The following STXBP2 variants were observed in gnomAD, a reference collection of about 807,000 sequenced individuals.
STXBP2 encodes the protein syntaxin-binding protein 2.
In STXBP2, 47 loss-of-function variants were observed where a neutral mutation model predicts 72.2. The ratio of observed to expected loss-of-function variants is 0.65; its 90% CI spans 0.51 to 0.83. The LOEUF (loss-of-function observed/expected upper bound fraction) is 0.83, where lower values mean the gene tolerates loss of function less well. Ranked by LOEUF, STXBP2 falls within the 40% of genes least tolerant of loss-of-function variation. STXBP2 has a pLI of 0.00. For missense variants in STXBP2, 702 were observed against 807.6 expected (o/e 0.87, Z 1.58); for synonymous variants, 367 against 338.7 (o/e 1.08, Z -0.92).
upstream of STXBP2, among the ~76,000 whole-genome samples, chr19:7,634,926 C>A (rs577082555): frequency 1.9e-4 from 29 of 152,308 alleles, no homozygotes; most frequent in African/African-American, 6.7e-4. Flanking sequence ...CCCCACCCCC[C>A]CAACCACCTA....
rs975486278 is a variant in STXBP2, at chr19:7,640,302, GTA to G, written c.247-427_247-426del. On this transcript the variant is annotated intron_variant, in intron 4 of 18. Transcript: ENST00000221283. ...TGTGCATCTGTGTGCATGTGTCTAT[GTA>G]TGTGTGTGCATCTGTGTGTGCGTGT... The G allele has an allele frequency of 8.0e-5, 45 of 559,640 alleles. 1 individual carries two copies. Among genetic ancestry groups the G allele is most frequent in the Admixed American group, 6.1e-4 (27 of 44,352 alleles). 34.7% of individuals were successfully genotyped at this position (559,640 alleles called of 1,614,324 possible).
In STXBP2 at chr19:7,642,232, G is replaced by A. The variant is rs2146217766; in HGVS notation, c.693G>A (p.Leu231=). 6.2e-7 allele frequency: 1 copy of A among 1,614,162 alleles called. No homozygotes were observed. Among genetic ancestry groups the A allele is most frequent in the Non-Finnish European group, 8.5e-7 (1 of 1,180,018 alleles). ...CAGAGAAAACCCGCTCCCAGCTGCT[G>A]ATAATGGACCGGGCAGCTGACCCCG... ...EGPEKTRSQL[L]IMDRAADPVS... is the part of the protein sequence containing the mutation. The change falls in exon 9 of 19, where the codon CTG becomes CTA. Residue 231 remains leucine (L), a synonymous_variant. Transcript: ENST00000221283. This position sits in a 1 kb window ranked among gnomAD's most constrained non-coding sequence, Gnocchi z 6.0.
chr19:7,643,611 G>C (rs1175461402), intron 13 of STXBP2, among the ~76,000 whole-genome samples: 3 of 151,834 alleles, frequency 2.0e-5, no homozygotes, highest in African/African-American at 7.3e-5. Context: ...GAGCCTTGGA[G>C]AGGTGGGACC....
intron 13 of STXBP2, 50 bp downstream of exon 13, chr19:7,643,295 G>T: frequency 2.2e-6 from 3 of 1,389,268 alleles, no homozygotes; most frequent in Non-Finnish European, 3.0e-6. Flanking sequence ...CCAAGGCGGG[G>T]TATTGGGGAG....
At chr19:7,633,091 C>T (rs370736897), upstream of STXBP2, 2,779 of 1,172,516 alleles carry the variant, frequency 2.4e-3, 66 homozygotes, top group South Asian at 0.038. Context: ...GGCTCCGATG[C>T]GTGTCCCGCC....
upstream of STXBP2, chr19:7,632,852 C>T: frequency 6.5e-7 from 1 of 1,541,830 alleles, no homozygotes; most frequent in Non-Finnish European, 8.7e-7. The surrounding 1 kb of genome is among the most constrained non-coding windows in gnomAD (Gnocchi z 5.2). Context: ...CTCGCTCAGT[C>T]TGGTTGGCCC....
intron 4 of STXBP2, chr19:7,640,098 TTG>T (rs766714860): frequency 2.0e-4 from 112 of 570,124 alleles, no homozygotes; most frequent in South Asian, 5.6e-4. Context: ...GTGTGTGCAT[TTG>T]TGTCTGTGCA....
intron 13 of STXBP2, among the ~76,000 whole-genome samples, chr19:7,643,939 G>T (rs1416016377): frequency 6.7e-6 from 1 of 148,624 alleles, no homozygotes; most frequent in Non-Finnish European, 1.5e-5. Context: ...TGGGAGACAG[G>T]TAGAGCCATG....
rs1568472352 is a variant in STXBP2 at position 7,647,659 on chromosome 19, CGG to C, written c.1697-64_1697-63del. 8.1e-6 allele frequency: 13 copies of C among 1,603,278 alleles called. No individual in the cohort carries two copies. In the African/African-American group the frequency reaches 1.6e-4, roughly 20 times the overall value. ...GGGACAGCCCCACACCAGCCGGGAC[CGG>C]GAGCCTGTCAAAGACGAAGGCAGCG... On this transcript the variant is annotated intron_variant, in intron 18 of 18. Transcript: ENST00000221283.
Position 7,641,865 on chromosome 19 carries a change from A to AACCC in STXBP2, c.578+12_578+13insACCC. 1 of 581,324 alleles carries AACCC rather than the reference A, an allele frequency of 1.7e-6. No homozygotes were observed. Among genetic ancestry groups the AACCC allele is most frequent in the Non-Finnish European group, 2.6e-6 (1 of 388,690 alleles). The allele number at this position is 581,324 out of a possible 1,614,324, so 36.0% of individuals were successfully genotyped here. A position where few individuals can be genotyped will look rare whatever the true frequency, so the allele number is the denominator to read the frequency against. On this transcript the variant is annotated intron_variant, in intron 7 of 18. Transcript: ENST00000221283. ...ATCCGCTACCGCAAGTGGGGACCCCACCCAGCCCCACCCCGATGCCGACCC... is the reference window on the plus strand; with the variant it reads ...ATCCGCTACCGCAAGTGGGGACCCCAACCCCCCAGCCCCACCCCGATGCCGACCC...
chr19:7,647,853 A>C lies in STXBP2; in HGVS notation c.*43A>C. 1 of 1,546,762 alleles carries C rather than the reference A, an allele frequency of 6.5e-7. No individual in the cohort carries two copies. Reference sequence around the variant, plus strand: ...TACCCCTCCCTTTCCAGAGAAATAAACTCTTCCCGTCGCTCTGCCAGCCAG... The same window carrying C: ...TACCCCTCCCTTTCCAGAGAAATAACCTCTTCCCGTCGCTCTGCCAGCCAG... On this transcript the variant is annotated 3_prime_UTR_variant, in exon 19 of 19. Transcript: ENST00000221283.
At chr19:7,635,949 C>G (rs1021419672), upstream of STXBP2, among the ~76,000 whole-genome samples, 4 of 152,144 alleles carry the variant, frequency 2.6e-5, no homozygotes, top group African/African-American at 9.7e-5. Flanking sequence ...CGGGGCTCCT[C>G]CCTTCTCTAC....
intron 4 of STXBP2, 177 bp from the exon 5 acceptor site, chr19:7,640,552 ATC>A: frequency 1.4e-6 from 1 of 735,990 alleles, no homozygotes; most frequent in Non-Finnish European, 2.4e-6. Context: ...GCGTGCGTGC[ATC>A]TGTGTGTGTG....
rs1177163905 is a variant in STXBP2, at chr19:7,639,933, T to C, written c.246+126T>C. The C allele has an allele frequency of 2.8e-5, 12 of 422,618 alleles. 1 individual carries two copies. The East Asian group carries it at 3.0e-4, about 11-fold the overall frequency. The allele number at this position is 422,618 out of a possible 1,614,324, so 26.2% of individuals were successfully genotyped here. ...ACGTGTGCATGTGTCCATGTGTATGTGTGTGCATGTGTGTGCATGTGTGTG... is the reference window on the plus strand; with the variant it reads ...ACGTGTGCATGTGTCCATGTGTATGCGTGTGCATGTGTGTGCATGTGTGTG... On this transcript the variant is annotated intron_variant, in intron 4 of 18. Transcript: ENST00000221283.
rs201691423 is a variant in STXBP2 at position 7,642,085 on chromosome 19, C to T, written c.630C>T (p.Asn210=). 9.9e-6 allele frequency: 16 copies of T among 1,614,116 alleles called. 1 individual carries two copies. The highest frequency in any genetic ancestry group is 2.2e-5 in the East Asian group (1 of 44,872). The change falls in exon 8 of 19, where the codon AAC becomes AAT. Residue 210 remains asparagine (N), a synonymous_variant. Transcript: ENST00000221283. This position sits in a 1 kb window ranked among gnomAD's most constrained non-coding sequence, Gnocchi z 6.0. ...QLAHAVLAKL[N]AFKADTPSLG... Reference sequence around the variant, plus strand: ...CCCACGCCGTCCTGGCCAAGCTGAACGCCTTCAAGGCAGACACTCCCAGTC... The same window carrying T: ...CCCACGCCGTCCTGGCCAAGCTGAATGCCTTCAAGGCAGACACTCCCAGTC...
At chr19:7,633,507 C>T (rs1255281043), upstream of STXBP2, 1 of 1,538,086 alleles carries the variant, frequency 6.5e-7, no homozygotes, top group Non-Finnish European at 8.8e-7. Context: ...CGGCCCAGTG[C>T]CAGAGAGGGC....
intron 15 of STXBP2, 85 bp from the exon 16 acceptor site, chr19:7,646,164 C>T: frequency 8.6e-7 from 1 of 1,169,158 alleles, no homozygotes; most frequent in South Asian, 1.3e-5. Flanking sequence ...CATCCCCCAC[C>T]CTACCAGCCA....
intron 1 of STXBP2, 83 bp downstream of exon 1, chr19:7,637,269 C>A: frequency 8.3e-7 from 1 of 1,208,732 alleles, no homozygotes; most frequent in Non-Finnish European, 1.0e-6. Context: ...TCCTGGGTTT[C>A]ATGGCGGCTG....
At chr19:7,644,436 C>T in intron 13 of STXBP2, 178 bp from the exon 14 acceptor site, 1 of 771,156 alleles carries the variant, frequency 1.3e-6, no homozygotes, top group Non-Finnish European at 2.1e-6. Flanking sequence ...GGGTGAGGAG[C>T]AGGGCCTGTG....
Sources: allele counts gnomAD v4.1 joint callset (sites outside exome capture counted in the v4.1 genomes callset), GRCh38; gene constraint gnomAD v4.1.1; non-coding constraint Gnocchi (gnomAD v3.1); transcripts MANE v1.5; gene names NCBI Gene and HGNC (gene_info 2026-07-23, HGNC 2026-07-21).